DENND5B: variants seen among roughly 807,000 people sequenced by gnomAD.
DENND5B encodes DENN domain-containing protein 5B.
Under a neutral mutation model 140.6 loss-of-function variants are expected in DENND5B, and 34 were observed. The ratio of observed to expected loss-of-function variants is 0.24; its 90% CI spans 0.18 to 0.32. The LOEUF (loss-of-function observed/expected upper bound fraction) is 0.32, where lower values mean the gene tolerates loss of function less well. Among genes scored for constraint, DENND5B ranks in the 10% least tolerant of loss-of-function variants. The pLI is 1.00. For synonymous variants in DENND5B, 551 were observed against 562.1 expected (o/e 0.98, Z 0.28); for missense variants, 1,142 against 1,560.2 (o/e 0.73, Z 4.52).
intron 14 of DENND5B, among the ~76,000 whole-genome samples, chr12:31,407,208 G>A (rs1011588901): frequency 1.3e-5 from 2 of 151,960 alleles, no homozygotes; most frequent in African/African-American, 4.8e-5. Flanking sequence ...TCGGCTGACT[G>A]CAACCTCCGC....
intron 2 of DENND5B, among the ~76,000 whole-genome samples, chr12:31,487,874 T>C (rs1210708857): frequency 5.3e-5 from 8 of 152,186 alleles, no homozygotes; most frequent in Non-Finnish European, 5.9e-5. Flanking sequence ...GTTGAATGAA[T>C]AAATGAATGA....
chr12:31,525,123 T>C (rs192701964), intron 1 of DENND5B, among the ~76,000 whole-genome samples: 3 of 152,324 alleles, frequency 2.0e-5, no homozygotes, highest in Admixed American at 6.5e-5. Context: ...CCCTCATCCA[T>C]TGCTGGTGGA....
intron 4 of DENND5B, among the ~76,000 whole-genome samples, chr12:31,456,186 G>A (rs1317337012): frequency 1.3e-5 from 2 of 151,886 alleles, no homozygotes; most frequent in Admixed American, 6.6e-5. Flanking sequence ...AAAAATTAGC[G>A]AAGTGTGGTG....
intron 20 of DENND5B, among the ~76,000 whole-genome samples, chr12:31,388,448 T>G (rs1048332494): frequency 1.1e-4 from 16 of 152,068 alleles, no homozygotes; most frequent in Middle Eastern, 3.2e-3. Flanking sequence ...AATACAGAAC[T>G]TAGTTCTGTA....
intron 1 of DENND5B, among the ~76,000 whole-genome samples, chr12:31,547,173 CT>C (rs953612670): frequency 1.3e-5 from 2 of 151,934 alleles, no homozygotes; most frequent in Non-Finnish European, 2.9e-5. Context: ...TGTTACTTTT[CT>C]TTTTTTTACA....
At chr12:31,389,673 T>C (rs1941025945) in intron 19 of DENND5B, among the ~76,000 whole-genome samples, 175 bp from the exon 20 acceptor site, 1 of 152,182 alleles carries the variant, frequency 6.6e-6, no homozygotes, top group Non-Finnish European at 1.5e-5. Flanking sequence ...GGTAGAACAA[T>C]AAATATGCTC....
At position 31,479,861 on chromosome 12, in the gene DENND5B, A is replaced by C. The variant is rs1175048547; in HGVS notation, c.632T>G (p.Leu211Arg). 6.2e-7 allele frequency: 1 copy of C among 1,613,970 alleles called. No individual in the cohort carries two copies. The highest frequency in any genetic ancestry group is 8.5e-7 in the Non-Finnish European group (1 of 1,179,860). The change falls in exon 3 of 21, where the codon CTT becomes CGT. Residue 211 changes from leucine (L) to arginine (R), a missense_variant. Transcript: ENST00000389082. ...MQACKKFLIQ[L>R]YKAVTSQQPP... Reference sequence around the variant, plus strand: ...CTGCTGTGAGGTAACAGCCTTGTAAAGCTGGATAAGGAATTTCTTGCAGGC... The same window carrying C: ...CTGCTGTGAGGTAACAGCCTTGTAACGCTGGATAAGGAATTTCTTGCAGGC...
At chr12:31,459,169 C>T (rs1261761898) in intron 4 of DENND5B, among the ~76,000 whole-genome samples, 8 of 151,434 alleles carry the variant, frequency 5.3e-5, no homozygotes, top group Non-Finnish European at 1.2e-4. Context: ...CGCCATTGCA[C>T]TCCAGCCTGG....
chr12:31,422,262 CCAAAAAA>C (rs1943060133), intron 11 of DENND5B, among the ~76,000 whole-genome samples: 1 of 138,644 alleles, frequency 7.2e-6, no homozygotes. Flanking sequence ...TACTAAAAAT[CCAAAAAA>C]AAAAAAAAAA....
chr12:31,556,103 G>A (rs539920076), intron 1 of DENND5B, among the ~76,000 whole-genome samples: 19 of 152,312 alleles, frequency 1.2e-4, no homozygotes, highest in African/African-American at 3.6e-4. Flanking sequence ...AGATGAACCC[G>A]GTACCTCAGT....
At chr12:31,564,597 T>G (rs1281430381) in intron 1 of DENND5B, among the ~76,000 whole-genome samples, 1 of 146,854 alleles carries the variant, frequency 6.8e-6, no homozygotes, top group Non-Finnish European at 1.5e-5. Flanking sequence ...ATTATTATTA[T>G]TATTATTTTG....
Position 31,432,286 on chromosome 12 carries a change from G to A in DENND5B, c.2106+869C>T, listed in dbSNP as rs1244628817. On this transcript the variant is annotated intron_variant, in intron 8 of 20. Transcript: ENST00000389082. ...GGGAAGGGAAGAAAATACAGTAGCC[G>A]GAAAAAAAAAAGCACTACACAGGTG... 15 of 186,116 alleles carry A rather than the reference G, an allele frequency of 8.1e-5. No homozygotes were observed. In the South Asian group the frequency reaches 1.1e-3, roughly 14 times the overall value. 11.5% of individuals were successfully genotyped at this position (186,116 alleles called of 1,614,324 possible).
At chr12:31,440,798 G>A (rs1203712793) in intron 7 of DENND5B, among the ~76,000 whole-genome samples, 1 of 152,106 alleles carries the variant, frequency 6.6e-6, no homozygotes, top group African/African-American at 2.4e-5. Flanking sequence ...ACCAGTAGCT[G>A]GGACTATAGT....
Position 31,382,992 on chromosome 12 carries a change from A to T in DENND5B, c.*4611T>A, listed in dbSNP as rs2137199160. ...CAGTAAAGTAATAAATACTTATATA[A>T]GAAACAGACTTCAAAAGACATGGAT... On this transcript the variant is annotated 3_prime_UTR_variant, in exon 21 of 21. Transcript: ENST00000389082. 1 of 152,306 alleles carries T rather than the reference A, an allele frequency of 6.6e-6. No individual in the cohort carries two copies. The highest frequency in any genetic ancestry group is 2.4e-5 in the African/African-American group (1 of 41,576). The allele number at this position is 152,306 out of a possible 1,614,324, so 9.4% of individuals were successfully genotyped here. A position where few individuals can be genotyped will look rare whatever the true frequency, so the allele number is the denominator to read the frequency against.
chr12:31,466,261 G>A lies in DENND5B; in HGVS notation c.905-5880C>T, dbSNP rs143481516. 6.6e-3 allele frequency among the ~76,000 whole-genome samples: 1,002 copies of A among 152,074 alleles called. 10 individuals are homozygous for A. The highest frequency in any genetic ancestry group is 0.027 in the Middle Eastern group (8 of 294). ...CCAGCTACTCGGGAGGCTGAAGTAGGAGAACCACTTGAACCCAGGAGGCAG... is the reference window on the plus strand; with the variant it reads ...CCAGCTACTCGGGAGGCTGAAGTAGAAGAACCACTTGAACCCAGGAGGCAG... On this transcript the variant is annotated intron_variant, in intron 3 of 20. Transcript: ENST00000389082.
intron 2 of DENND5B, among the ~76,000 whole-genome samples, chr12:31,487,538 T>C (rs1946357575): frequency 6.6e-6 from 1 of 151,902 alleles, no homozygotes; most frequent in South Asian, 2.1e-4. Context: ...CTGCCTCTAC[T>C]AAAAATACAA....
At chr12:31,477,737 G>T in intron 3 of DENND5B, 1 of 182,166 alleles carries the variant, frequency 5.5e-6, no homozygotes. Context: ...ACAAAAAGGT[G>T]TCCATATTGG....
intron 1 of DENND5B, among the ~76,000 whole-genome samples, chr12:31,546,602 G>A (rs1013265284): frequency 3.9e-5 from 6 of 152,100 alleles, no homozygotes; most frequent in South Asian, 2.1e-4. Context: ...CAGGAGAATC[G>A]CTTGAACCAG....
chr12:31,460,352 C>T lies in DENND5B; in HGVS notation c.934G>A (p.Gly312Ser), dbSNP rs1331642132. The change falls in exon 4 of 21, where the codon GGC becomes AGC. Residue 312 changes from glycine to serine, a missense_variant. Physicochemically the swap from Gly to Ser is moderately conservative, Grantham distance 56 (BLOSUM62 0). Transcript: ENST00000389082. ...AATGGGAACAAAAGTGTGGTGATGCCTTCTGCCACAGTCATCAGGCGTTGA... is the reference window on the plus strand; with the variant it reads ...AATGGGAACAAAAGTGTGGTGATGCTTTCTGCCACAGTCATCAGGCGTTGA... ...DYQRLMTVAE[G>S]ITTLLFPFQW... 1 of 1,613,762 alleles carries T rather than the reference C, an allele frequency of 6.2e-7. No individual in the cohort carries two copies. The highest frequency in any genetic ancestry group is 8.5e-7 in the Non-Finnish European group (1 of 1,179,882).
Sources: allele counts gnomAD v4.1 joint callset (sites outside exome capture counted in the v4.1 genomes callset), GRCh38; gene constraint gnomAD v4.1.1; transcripts MANE v1.5; gene names NCBI Gene and HGNC (gene_info 2026-07-23, HGNC 2026-07-21).